Variants in INVS observed in about 807,000 individuals in gnomAD.
The protein encoded by INVS is inversion of embryo turning homolog.
In INVS, 86 loss-of-function variants were observed where a neutral mutation model predicts 108.8. The observed-to-expected ratio is 0.79, with a 90% CI of 0.66 to 0.95. INVS has a LOEUF of 0.95. Among genes scored for constraint, INVS ranks in the 40% least tolerant of loss-of-function variants. The probability of loss-of-function intolerance (pLI) is 0.00; values close to 1 mark genes in which losing one functional copy is unlikely to be tolerated. For missense variants in INVS, 1,169 were observed against 1,297.4 expected (o/e 0.90, Z 1.52); for synonymous variants, 455 against 473.5 (o/e 0.96, Z 0.51).
intron 2 of INVS, among the ~76,000 whole-genome samples, chr9:100,118,206 T>TTTG (rs960096902): frequency 1.6e-4 from 24 of 150,876 alleles, no homozygotes; most frequent in Admixed American, 3.3e-4. Context: ...CCAGCCAATT[T>TTTG]TTGTTGTTGT....
chr9:100,298,058 C>T (rs751492150), intron 16 of INVS, 48 bp downstream of exon 16: 3 of 1,613,676 alleles, frequency 1.9e-6, no homozygotes, highest in Non-Finnish European at 2.5e-6. Flanking sequence ...CATGGGGAAG[C>T]ATTTTCCTTT....
chr9:100,119,060 C>T (rs889066658), intron 2 of INVS, among the ~76,000 whole-genome samples: 2 of 152,242 alleles, frequency 1.3e-5, no homozygotes, highest in Non-Finnish European at 2.9e-5. Context: ...TACATACTCT[C>T]AAATCTGTTC....
intron 3 of INVS, among the ~76,000 whole-genome samples, chr9:100,185,343 C>G (rs779538396): frequency 6.6e-6 from 1 of 151,558 alleles, no homozygotes; most frequent in Non-Finnish European, 1.5e-5. Context: ...AACATTTAGG[C>G]AACACCAGAA....
chr9:100,236,428 A>G (rs1185559661), intron 5 of INVS, among the ~76,000 whole-genome samples: 1 of 152,086 alleles, frequency 6.6e-6, no homozygotes, highest in Non-Finnish European at 1.5e-5. Flanking sequence ...TTTGGAGGAG[A>G]AGAGGCATTC....
At chr9:100,208,802 T>C (rs1297169584) in intron 3 of INVS, among the ~76,000 whole-genome samples, 1 of 152,186 alleles carries the variant, frequency 6.6e-6, no homozygotes, top group Non-Finnish European at 1.5e-5. Flanking sequence ...CTACACAGAT[T>C]ATCATGGACA....
At chr9:100,143,499 G>A (rs1588034999) in intron 3 of INVS, among the ~76,000 whole-genome samples, 1 of 151,984 alleles carries the variant, frequency 6.6e-6, no homozygotes, top group Non-Finnish European at 1.5e-5. Context: ...GTGCAGGATC[G>A]GTCACTAAGG....
In INVS at chr9:100,226,613, G is replaced by A. The variant is rs1831330987; in HGVS notation, c.447+378G>A. On this transcript the variant is annotated intron_variant, in intron 4 of 16. Transcript: ENST00000262457. ...GGATCAGCTGAGTTCAGGGGTTCAA[G>A]ACTGGCCTGGCCAACATAGTGAAAC... 2.6e-5 allele frequency among the ~76,000 whole-genome samples: 4 copies of A among 152,178 alleles called. No homozygotes were observed. In the South Asian group the frequency reaches 8.3e-4, roughly 32 times the overall value.
intron 2 of INVS, among the ~76,000 whole-genome samples, chr9:100,122,133 T>C (rs1827743858): frequency 6.6e-6 from 1 of 152,324 alleles, no homozygotes; most frequent in African/African-American, 2.4e-5. Context: ...TTTTGAAAGA[T>C]TGAATTTCTG....
At chr9:100,299,553 ACAAC>A (rs775253224) in intron 16 of INVS, among the ~76,000 whole-genome samples, 12 of 82,794 alleles carry the variant, frequency 1.4e-4, no homozygotes, top group Admixed American at 2.5e-4. Context: ...TTATTGACAC[ACAAC>A]ACACACACAC....
At chr9:100,137,071 G>A (rs543124060) in intron 3 of INVS, among the ~76,000 whole-genome samples, 21 of 152,222 alleles carry the variant, frequency 1.4e-4, no homozygotes, top group South Asian at 8.3e-4. Context: ...GGAAAGTTTA[G>A]ATACACAGTA....
At chr9:100,127,335 ATTAATGAT>A (rs1222035784) in intron 3 of INVS, among the ~76,000 whole-genome samples, 1 of 152,202 alleles carries the variant, frequency 6.6e-6, no homozygotes, top group Non-Finnish European at 1.5e-5. Context: ...TGTTGCCAAT[ATTAATGAT>A]TTCACATTTT....
intron 5 of INVS, among the ~76,000 whole-genome samples, chr9:100,235,730 G>C (rs1286858097): frequency 6.6e-6 from 1 of 152,208 alleles, no homozygotes; most frequent in Admixed American, 6.5e-5. Flanking sequence ...TCTGCAGAGA[G>C]ATCTGCTGTT....
intron 10 of INVS, among the ~76,000 whole-genome samples, chr9:100,261,819 A>C (rs192536029): frequency 6.6e-6 from 1 of 152,202 alleles, no homozygotes; most frequent in Non-Finnish European, 1.5e-5. Flanking sequence ...CTTGAATAGA[A>C]TTGGTGATAA....
intron 3 of INVS, among the ~76,000 whole-genome samples, chr9:100,142,154 T>G (rs997702710): frequency 6.6e-6 from 1 of 152,106 alleles, no homozygotes; most frequent in Non-Finnish European, 1.5e-5. Context: ...TTAAGCGGCG[T>G]TGAGAAGCGT....
chr9:100,127,424 A>G (rs1409333342), intron 3 of INVS, among the ~76,000 whole-genome samples: 1 of 152,120 alleles, frequency 6.6e-6, no homozygotes, highest in Non-Finnish European at 1.5e-5. Context: ...AAGCTTCTAC[A>G]TTTAGTTAAA....
chr9:100,264,943 A>ATT lies in INVS; in HGVS notation c.1571+15_1571+16insTT. ...AATGAAGAGAGGTAAGTTGTTGTTG[A>ATT]CTTTTTTTTTTTTTTTTGAGATGGC... On this transcript the variant is annotated intron_variant, in intron 11 of 16. Coordinates refer to ENST00000262457, the MANE Select transcript of INVS (RefSeq NM_014425.5). 1 of 1,463,510 alleles carries ATT rather than the reference A, an allele frequency of 6.8e-7. No individual in the cohort carries two copies. The highest frequency in any genetic ancestry group is 2.0e-5 in the Admixed American group (1 of 50,852). The allele number at this position is 1,463,510 out of a possible 1,614,324, so 90.7% of individuals were successfully genotyped here. A position where few individuals can be genotyped will look rare whatever the true frequency, so the allele number is the denominator to read the frequency against.
At chr9:100,184,041 A>T (rs1394683908) in intron 3 of INVS, among the ~76,000 whole-genome samples, 1 of 152,140 alleles carries the variant, frequency 6.6e-6, no homozygotes, top group Non-Finnish European at 1.5e-5. Context: ...GTGATACAAC[A>T]TTAACTCTAA....
At chr9:100,249,961 T>C (rs1832174574) in intron 8 of INVS, among the ~76,000 whole-genome samples, 1 of 151,812 alleles carries the variant, frequency 6.6e-6, no homozygotes, top group Non-Finnish European at 1.5e-5. Context: ...AAAAATGAGC[T>C]GGGTGTGGTG....
intron 3 of INVS, among the ~76,000 whole-genome samples, chr9:100,163,094 C>T (rs1829241882): frequency 1.3e-5 from 2 of 151,918 alleles, no homozygotes; most frequent in Non-Finnish European, 2.9e-5. Flanking sequence ...TGGCATTGCC[C>T]TTTAGCTCTA....
Sources: gnomAD v4.1 joint callset for allele counts (sites outside exome capture counted in the v4.1 genomes callset) on GRCh38, gnomAD v4.1.1 for gene constraint, MANE v1.5 for transcripts, NCBI Gene and HGNC (gene_info 2026-07-23, HGNC 2026-07-21) for gene names.